Variants in CUL2 observed in about 807,000 individuals in gnomAD.
CUL2 encodes cullin 2, also known as cullin-2.
A neutral mutation model predicts 110.2 loss-of-function variants in CUL2; 22 were observed. That is an observed-to-expected ratio of 0.20 (90% CI 0.14 to 0.28). The LOEUF is 0.28. Ranked by LOEUF, CUL2 falls within the 10% of genes least tolerant of loss-of-function variation. The probability of loss-of-function intolerance (pLI) is 1.00; values close to 1 mark genes in which losing one functional copy is unlikely to be tolerated. For synonymous variants in CUL2, 279 were observed against 293.2 expected (o/e 0.95, Z 0.49); for missense variants, 631 against 905.5 (o/e 0.70, Z 3.89).
rs558795172 is a variant in CUL2, at chr10:35,069,484, T to C, written c.119+1715A>G. Among the ~76,000 whole-genome samples the C allele has an allele frequency of 3.3e-5, 5 of 151,542 alleles. No homozygotes were observed. The East Asian group carries it at 9.8e-4, about 30-fold the overall frequency. On this transcript the variant is annotated intron_variant, in intron 2 of 20. Transcript: ENST00000374749. ...TGAGCCTAGGAGGTTGAGGCTGCAGTGAGCTATAGTCACACCACTGTACTC... is the reference window on the plus strand; with the variant it reads ...TGAGCCTAGGAGGTTGAGGCTGCAGCGAGCTATAGTCACACCACTGTACTC...
At chr10:35,113,376 T>G (rs1297054494) in intron 1 of CUL2, among the ~76,000 whole-genome samples, 1 of 150,094 alleles carries the variant, frequency 6.7e-6, no homozygotes, top group Non-Finnish European at 1.5e-5. Flanking sequence ...TATGTGCCTG[T>G]AATCCCAGCT....
At chr10:35,114,440 T>C (rs1451749402) in intron 1 of CUL2, among the ~76,000 whole-genome samples, 1 of 151,984 alleles carries the variant, frequency 6.6e-6, no homozygotes, top group Non-Finnish European at 1.5e-5. Context: ...TGGAGTGCTA[T>C]GGCACAATCT....
At chr10:35,013,644 G>C (rs552619550) in intron 19 of CUL2, 55 bp downstream of exon 19, 1 of 1,140,498 alleles carries the variant, frequency 8.8e-7, no homozygotes, top group African/African-American at 1.5e-5. Flanking sequence ...CACTTGTAAA[G>C]TCCAATGCTT....
intron 17 of CUL2, among the ~76,000 whole-genome samples, chr10:35,022,473 AG>A (rs1342849310): frequency 2.0e-5 from 3 of 152,328 alleles, no homozygotes; most frequent in African/African-American, 7.2e-5. Flanking sequence ...CAGAAGTAAC[AG>A]GGGTTCTCAA....
chr10:35,110,560 G>A (rs1325936069), intron 1 of CUL2, among the ~76,000 whole-genome samples: 19 of 152,106 alleles, frequency 1.2e-4, no homozygotes, highest in Admixed American at 1.2e-3. Flanking sequence ...GTGAGACCTT[G>A]TCTAAAAAAA....
At chr10:35,103,481 T>C (rs2087415096) in intron 1 of CUL2, among the ~76,000 whole-genome samples, 1 of 151,732 alleles carries the variant, frequency 6.6e-6, no homozygotes, top group Non-Finnish European at 1.5e-5. Context: ...CGCGCCACCA[T>C]GCCTGGCTAA....
At chr10:35,016,504 ATTG>A (rs1367013353) in intron 17 of CUL2, 110 bp from the exon 18 acceptor site, 8 of 858,562 alleles carry the variant, frequency 9.3e-6, no homozygotes. Flanking sequence ...ATTTTATTAA[ATTG>A]TTGTAAAGCC....
rs561536716 is a variant in CUL2, at chr10:35,057,773, A to C, written c.317+3101T>G. Among the ~76,000 whole-genome samples, 3 of 152,126 alleles carry C rather than the reference A, an allele frequency of 2.0e-5. No individual in the cohort carries two copies. In the South Asian group the frequency reaches 6.2e-4, roughly 32 times the overall value. The stretch of plus-strand genomic sequence containing the variant: ...AAGTCACTGTAGTATTTTACAATCA[A>C]ATTTATTAACCACATATTTGCTTCT... On this transcript the variant is annotated intron_variant, in intron 4 of 20. Transcript: ENST00000374749.
chr10:35,016,814 C>T (rs1335474381), intron 17 of CUL2, among the ~76,000 whole-genome samples: 2 of 151,610 alleles, frequency 1.3e-5, no homozygotes, highest in African/African-American at 4.8e-5. Flanking sequence ...GTAATCCTAG[C>T]CACTTGGGAG....
chr10:35,104,359 T>C (rs2087426808), intron 1 of CUL2, among the ~76,000 whole-genome samples: 1 of 152,198 alleles, frequency 6.6e-6, no homozygotes, highest in Non-Finnish European at 1.5e-5. Context: ...GGTGGGAGGA[T>C]GGCTTGAGCC....
At position 35,070,124 on chromosome 10, in the gene CUL2, C is replaced by CTT. The variant is rs555067414; in HGVS notation, c.119+1074_119+1075insAA. 2.6e-4 allele frequency among the ~76,000 whole-genome samples: 40 copies of CTT among 152,290 alleles called. No homozygotes were observed. In the South Asian group the frequency reaches 8.1e-3, roughly 31 times the overall value. On this transcript the variant is annotated intron_variant, in intron 2 of 20. Transcript: ENST00000374749. ...CTGAGATCAGTTTCCTTATCCGTTA[C>CTT]AGTCAAGTAATTATTTTTGCCCCAC...
chr10:35,074,626 T>C (rs2086766917), intron 1 of CUL2, among the ~76,000 whole-genome samples: 1 of 152,052 alleles, frequency 6.6e-6, no homozygotes, highest in Non-Finnish European at 1.5e-5. Context: ...AGCTGGGGGA[T>C]TACAGGCGTG....
chr10:35,071,436 G>T, intron 1 of CUL2, 97 bp from the exon 2 acceptor site: 1 of 1,065,010 alleles, frequency 9.4e-7, no homozygotes, highest in Non-Finnish European at 1.4e-6. Context: ...ACGGAGTCTC[G>T]CTCTGTCGCC....
chr10:35,035,070 G>A (rs2085585147), intron 10 of CUL2, 102 bp downstream of exon 10: 2 of 1,364,454 alleles, frequency 1.5e-6, no homozygotes, highest in African/African-American at 2.9e-5. Flanking sequence ...CGTTGGCATG[G>A]TAAGACTTTT....
At chr10:35,113,653 A>ATC (rs1288931569) in intron 1 of CUL2, among the ~76,000 whole-genome samples, 1 of 151,642 alleles carries the variant, frequency 6.6e-6, no homozygotes, top group African/African-American at 2.4e-5. Flanking sequence ...AGAAAAATCA[A>ATC]TCAATAGGAA....
At chr10:35,041,001 G>C (rs2085772944) in intron 8 of CUL2, among the ~76,000 whole-genome samples, 1 of 152,080 alleles carries the variant, frequency 6.6e-6, no homozygotes, top group South Asian at 2.1e-4. Context: ...GGTCAGTACT[G>C]GTCCTCCCCA....
At chr10:35,052,791 A>T (rs1018380958) in intron 5 of CUL2, among the ~76,000 whole-genome samples, 10 of 151,868 alleles carry the variant, frequency 6.6e-5, no homozygotes, top group East Asian at 1.9e-4. Context: ...GCTACTTGGG[A>T]GGCTGAGGCA....
At chr10:35,012,688 T>C (rs2084934343) in intron 19 of CUL2, among the ~76,000 whole-genome samples, 1 of 152,246 alleles carries the variant, frequency 6.6e-6, no homozygotes, top group Admixed American at 6.5e-5. Context: ...AAATGGAATC[T>C]TGACCATTTT....
chr10:35,093,588 G>A (rs933630089), upstream of CUL2, among the ~76,000 whole-genome samples: 1 of 148,572 alleles, frequency 6.7e-6, no homozygotes, highest in Non-Finnish European at 1.5e-5. Flanking sequence ...GAACCTGGGA[G>A]GCAGATGTTG....
Sources: allele counts gnomAD v4.1 joint callset (sites outside exome capture counted in the v4.1 genomes callset), GRCh38; gene constraint gnomAD v4.1.1; transcripts MANE v1.5; gene names NCBI Gene and HGNC (gene_info 2026-07-23, HGNC 2026-07-21).